Variants in HCN4 observed in about 807,000 individuals in gnomAD.
The protein encoded by HCN4 is hyperpolarization activated cyclic nucleotide gated potassium channel 4.
HCN4 carries 29 observed loss-of-function variants against 76.9 expected under a neutral mutation model. The observed-to-expected ratio is 0.38, with a 90% CI of 0.28 to 0.51. HCN4 has a LOEUF of 0.51. HCN4 is among the 20% of genes least tolerant of loss of function. The pLI is 0.90. For missense variants in HCN4, 1,416 were observed against 1,715.2 expected (o/e 0.83, Z 3.08); for synonymous variants, 772 against 762.5 (o/e 1.01, Z -0.21).
chr15:73,329,163 A>T (rs2042917084), intron 4 of HCN4, among the ~76,000 whole-genome samples: 1 of 152,144 alleles, frequency 6.6e-6, no homozygotes, highest in Admixed American at 6.5e-5. Flanking sequence ...GACTGGGAAG[A>T]GAAGCCAGCA....
intron 1 of HCN4, among the ~76,000 whole-genome samples, chr15:73,356,269 C>T (rs554927997): frequency 1.3e-5 from 2 of 151,198 alleles, no homozygotes; most frequent in African/African-American, 2.4e-5. Flanking sequence ...TCACTGCAGC[C>T]TCGACCTCCC....
chr15:73,350,751 G>C (rs1363737105), intron 1 of HCN4, among the ~76,000 whole-genome samples: 1 of 151,898 alleles, frequency 6.6e-6, no homozygotes, highest in African/African-American at 2.4e-5. Flanking sequence ...CCTCCCCAGG[G>C]ACCTTAATCT....
Position 73,325,039 on chromosome 15 carries a change from T to C in HCN4, c.1894A>G (p.Met632Val). The C allele has an allele frequency of 6.2e-7, 1 of 1,614,172 alleles. No homozygotes were observed. Among genetic ancestry groups the C allele is most frequent in the Non-Finnish European group, 8.5e-7 (1 of 1,180,040 alleles). ...IIREGTIGKK[M>V]YFIQHGVVSV... is the part of the protein sequence containing the mutation. ...ACCACGCCATGCTGGATGAAGTACA[T>C]CTTCTTGCCAATGGTGCCTTCCCGG... The change falls in exon 6 of 8, where the codon ATG becomes GTG. Residue 632 changes from methionine (M) to valine (V), a missense_variant. Physicochemically the swap from Met to Val is conservative, Grantham distance 21. Transcript: ENST00000261917. This position sits in a 1 kb window ranked among gnomAD's most constrained non-coding sequence, Gnocchi z 7.4.
Position 73,323,938 on chromosome 15 carries a change from A to G in HCN4, c.2155T>C (p.Ser719Pro). ...DRLDRIGKKN[S>P]ILLHKVQHDL... ...TGCTGGACTTTGTGGAGGAGGATGG[A>G]GTTCTTCTTGCCTGGGCCACAGAAC... The change falls in exon 8 of 8, where the codon TCC becomes CCC. Residue 719 changes from serine to proline, a missense_variant. Ser to Pro is a moderately conservative substitution (Grantham distance 74, BLOSUM62 -1). Around this residue, in one of 6 missense-constraint regions of HCN4, gnomAD observed 241 missense variants for 379.4 expected, o/e 0.64. Coordinates refer to ENST00000261917, the MANE Select transcript of HCN4 (RefSeq NM_005477.3). 1 of 1,605,014 alleles carries G rather than the reference A, an allele frequency of 6.2e-7. No homozygotes were observed.
rs758725633 is a variant in HCN4, at chr15:73,325,114, T to C, written c.1819A>G (p.Met607Val). The C allele has an allele frequency of 6.2e-7, 1 of 1,614,244 alleles. No individual in the cohort carries two copies. Among genetic ancestry groups the C allele is most frequent in the South Asian group, 1.1e-5 (1 of 91,086 alleles). The change falls in exon 6 of 8, where the codon ATG becomes GTG. Residue 607 changes from methionine (M) to valine (V), a missense_variant. Coordinates refer to ENST00000261917, the MANE Select transcript of HCN4 (RefSeq NM_005477.3). This position sits in a 1 kb window ranked among gnomAD's most constrained non-coding sequence, Gnocchi z 7.4. Reference sequence around the variant, plus strand: ...ACCTCGAAACGCAGCTTGGTCAGCATGGACGTCACGAAGTTGGGGTCCGCA... The same window carrying C: ...ACCTCGAAACGCAGCTTGGTCAGCACGGACGTCACGAAGTTGGGGTCCGCA... ...ANADPNFVTSMLTKLRFEVFQ... is the reference protein window; with the variant it reads ...ANADPNFVTSVLTKLRFEVFQ...
chr15:73,332,018 G>T, intron 3 of HCN4, 113 bp downstream of exon 3: 1 of 1,019,824 alleles, frequency 9.8e-7, no homozygotes, highest in Non-Finnish European at 1.5e-6. Context: ...GCCCCAGGCA[G>T]CACTCAGGGT....
rs1359396157 is a variant in HCN4, at chr15:73,324,116, C to T, written c.2116G>A (p.Val706Met). The stretch of plus-strand genomic sequence containing the variant: ...ATGCGGTCCAGGCGGTCCAGCGCCA[C>T]GGTCTCGAAGGCCCTTCGCATCATG... ...YPMMRRAFET[V>M]ALDRLDRIGK... The change falls in exon 7 of 8, where the codon GTG becomes ATG. Residue 706 changes from valine (V) to methionine (M), a missense_variant. Val to Met is a conservative substitution (Grantham distance 21). This residue lies in a region of HCN4 where 241 missense variants were observed against 379.4 expected (regional missense o/e 0.64). Coordinates refer to ENST00000261917, the MANE Select transcript of HCN4 (RefSeq NM_005477.3). 1.2e-6 allele frequency: 2 copies of T among 1,613,626 alleles called. No individual in the cohort carries two copies. The highest frequency in any genetic ancestry group is 1.3e-5 in the African/African-American group (1 of 75,040).
At chr15:73,361,941 A>C (rs2043106881) in intron 1 of HCN4, among the ~76,000 whole-genome samples, 1 of 152,146 alleles carries the variant, frequency 6.6e-6, no homozygotes, top group South Asian at 2.1e-4. Flanking sequence ...TCCTTTCCAG[A>C]AATCTCATTG....
intron 2 of HCN4, among the ~76,000 whole-genome samples, chr15:73,341,340 C>T (rs968351057): frequency 1.3e-5 from 2 of 151,938 alleles, no homozygotes; most frequent in African/African-American, 4.8e-5. Context: ...CGGGGTTTCA[C>T]CACGTTGGCC....
At position 73,365,558 on chromosome 15, in the gene HCN4, G is replaced by C. The variant is rs569211133; in HGVS notation, c.785+1928C>G. ...AGGGGGACTGCAGACAGACATACCA[G>C]AATGGGGTAAGACCAGGAAGGGGAA... On this transcript the variant is annotated intron_variant, in intron 1 of 7. Coordinates refer to ENST00000261917, the MANE Select transcript of HCN4 (RefSeq NM_005477.3). Among the ~76,000 whole-genome samples, 5 of 152,314 alleles carry C rather than the reference G, an allele frequency of 3.3e-5. No individual in the cohort carries two copies. The South Asian group carries it at 1.0e-3, about 32-fold the overall frequency.
At position 73,367,696 on chromosome 15, in the gene HCN4, C is replaced by T; in HGVS notation, c.575G>A (p.Gly192Glu). The change falls in exon 1 of 8, where the codon GGA (glycine) becomes GAA (glutamate). Residue 192 changes from glycine to glutamate, a missense_variant. Gly to Glu is a moderately conservative substitution (Grantham distance 98). Coordinates refer to ENST00000261917, the MANE Select transcript of HCN4 (RefSeq NM_005477.3). The surrounding 1 kb of genome is among the most constrained non-coding windows in gnomAD (Gnocchi z 7.5). ...GATCTGGTCGCCGGCAGCCGCGCCT[C>T]CCTCCACTTTGATAGCGGTGTCCAC... ...PSVDTAIKVEGGAAAGDQILP... is the reference protein window; with the variant it reads ...PSVDTAIKVEEGAAAGDQILP... 1 of 1,601,112 alleles carries T rather than the reference C, an allele frequency of 6.2e-7. No individual in the cohort carries two copies. Among genetic ancestry groups the T allele is most frequent in the Non-Finnish European group, 8.5e-7 (1 of 1,179,498 alleles).
chr15:73,326,245 G>C (rs998781884), intron 4 of HCN4, among the ~76,000 whole-genome samples: 1 of 152,154 alleles, frequency 6.6e-6, no homozygotes, highest in Non-Finnish European at 1.5e-5. Context: ...ATGGGAAGTA[G>C]AGGAAGTCCC....
At chr15:73,338,553 A>T (rs2042979927) in intron 2 of HCN4, among the ~76,000 whole-genome samples, 1 of 152,190 alleles carries the variant, frequency 6.6e-6, no homozygotes, top group African/African-American at 2.4e-5. Context: ...CCACTAGCAC[A>T]TGGTAGGCAC....
At chr15:73,347,385 T>A (rs2043034283) in intron 1 of HCN4, among the ~76,000 whole-genome samples, 1 of 151,994 alleles carries the variant, frequency 6.6e-6, no homozygotes, top group African/African-American at 2.4e-5. Flanking sequence ...CACCTTTACA[T>A]CACAGTGGAA....
intron 1 of HCN4, among the ~76,000 whole-genome samples, chr15:73,353,524 A>T (rs1018059693): frequency 6.6e-6 from 1 of 152,182 alleles, no homozygotes; most frequent in Non-Finnish European, 1.5e-5. Flanking sequence ...GACACGTGAC[A>T]CGCATGAGGA....
Position 73,368,031 on chromosome 15 carries a change from C to G in HCN4, c.240G>C (p.Pro80=), listed in dbSNP as rs747646946. The G allele has an allele frequency of 3.5e-6, 5 of 1,435,834 alleles. 1 individual carries two copies. The South Asian group carries it at 7.0e-5, about 20-fold the overall frequency. The allele number at this position is 1,435,834 out of a possible 1,614,324, so 88.9% of individuals were successfully genotyped here. ...TGCTGGACTTGCCCGCGCCGCGGGCCGGCCCTTCGCTGTCCGCTGCCCCGA... is the reference window on the plus strand; with the variant it reads ...TGCTGGACTTGCCCGCGCCGCGGGCGGGCCCTTCGCTGTCCGCTGCCCCGA... ...SALGAADSEG[P]ARGAGKSSTN... is the part of the protein sequence containing the mutation. The change falls in exon 1 of 8, where the codon CCG becomes CCC. Residue 80 remains proline (P), a synonymous_variant. Coordinates refer to ENST00000261917, the MANE Select transcript of HCN4 (RefSeq NM_005477.3). This position sits in a 1 kb window ranked among gnomAD's most constrained non-coding sequence, Gnocchi z 6.9.
Position 73,323,626 on chromosome 15 carries a change from G to T in HCN4, c.2467C>A (p.Pro823Thr). ...GLGNLGAGQT[P>T]RHLKRLQSLI... Reference sequence around the variant, plus strand: ...GACTGCAGCCGTTTCAGGTGCCTTGGCGTCTGCCCGGCACCGAGGTTGCCC... The same window carrying T: ...GACTGCAGCCGTTTCAGGTGCCTTGTCGTCTGCCCGGCACCGAGGTTGCCC... The change falls in exon 8 of 8, where the codon CCA (proline) becomes ACA (threonine). Residue 823 changes from proline (P) to threonine (T), a missense_variant. Coordinates refer to ENST00000261917, the MANE Select transcript of HCN4 (RefSeq NM_005477.3). The T allele has an allele frequency of 6.2e-7, 1 of 1,600,022 alleles. No individual in the cohort carries two copies. Among genetic ancestry groups the T allele is most frequent in the Middle Eastern group, 1.7e-4 (1 of 6,040 alleles).
chr15:73,322,538 C>A lies in HCN4; in HGVS notation c.3555G>T (p.Gln1185His). ...SGGPPLTAGPQREPGARPEPV... is the reference protein window; with the variant it reads ...SGGPPLTAGPHREPGARPEPV... Reference sequence around the variant, plus strand: ...GCTCAGGCCTGGCCCCAGGTTCCCTCTGGGGTCCAGCAGTCAGAGGGGGCC... The same window carrying A: ...GCTCAGGCCTGGCCCCAGGTTCCCTATGGGGTCCAGCAGTCAGAGGGGGCC... The change falls in exon 8 of 8, where the codon CAG (glutamine) becomes CAT (histidine). Residue 1185 changes from glutamine to histidine, a missense_variant. By Grantham distance (24) the Gln-to-His change is conservative (BLOSUM62 0). Around this residue, in one of 6 missense-constraint regions of HCN4, gnomAD observed 633 missense variants for 579.8 expected, o/e 1.09. Transcript: ENST00000261917. 2 of 1,605,674 alleles carry A rather than the reference C, an allele frequency of 1.2e-6. No homozygotes were observed. Among genetic ancestry groups the A allele is most frequent in the Admixed American group, 1.7e-5 (1 of 59,000 alleles).
intron 2 of HCN4, among the ~76,000 whole-genome samples, chr15:73,339,303 AC>A (rs2042984799): frequency 6.6e-6 from 1 of 152,196 alleles, no homozygotes; most frequent in Non-Finnish European, 1.5e-5. Flanking sequence ...ATGGTGGCCC[AC>A]CTGCGCTGAC....
Sources: gnomAD v4.1 joint callset for allele counts (sites outside exome capture counted in the v4.1 genomes callset) on GRCh38, gnomAD v4.1.1 for gene constraint, gnomAD v4.1.1 regional missense constraint, Gnocchi (gnomAD v3.1) non-coding constraint, MANE v1.5 for transcripts, NCBI Gene and HGNC (gene_info 2026-07-23, HGNC 2026-07-21) for gene names.